The following TMEM17 variants were observed in gnomAD, a reference collection of about 807,000 sequenced individuals.
TMEM17 encodes the protein transmembrane protein 17.
A neutral mutation model predicts 19.1 loss-of-function variants in TMEM17; 15 were observed. The ratio of observed to expected loss-of-function variants is 0.78; its 90% CI spans 0.52 to 1.21. The LOEUF is 1.21. Ranked by LOEUF, TMEM17 falls within the 50% of genes most tolerant of loss-of-function variation. TMEM17 has a pLI of 0.00. For synonymous variants in TMEM17, 103 were observed against 86.9 expected (o/e 1.19, Z -1.03); for missense variants, 245 against 242.3 (o/e 1.01, Z -0.07).
intron 3 of TMEM17, 166 bp from the exon 4 acceptor site, chr2:62,501,653 G>A: frequency 1.5e-6 from 1 of 648,634 alleles, no homozygotes; most frequent in Non-Finnish European, 2.6e-6. Flanking sequence ...CAGTCTAGAT[G>A]AGAAAACTAA....
At chr2:62,496,444 C>A (rs938715855), downstream of TMEM17, among the ~76,000 whole-genome samples, 2 of 152,244 alleles carry the variant, frequency 1.3e-5, no homozygotes, top group Admixed American at 6.5e-5. Flanking sequence ...TAAATTATGG[C>A]CCATCTACTT....
the TMEM17 span, among the ~76,000 whole-genome samples, chr2:62,477,776 C>T: frequency 6.6e-5 from 10 of 152,220 alleles, no homozygotes; most frequent in Admixed American, 6.5e-4. Flanking sequence ...GACTGAGATA[C>T]AAACACAGGA....
chr2:62,504,648 AAGTTG>A (rs1680018425), intron 1 of TMEM17, among the ~76,000 whole-genome samples: 1 of 152,256 alleles, frequency 6.6e-6, no homozygotes. Context: ...GCAAAAGTTC[AAGTTG>A]AGTTCTGTAA....
At chr2:62,484,637 C>T in the TMEM17 span, among the ~76,000 whole-genome samples, 4 of 152,204 alleles carry the variant, frequency 2.6e-5, no homozygotes, top group East Asian at 5.8e-4. Flanking sequence ...CCTTGCTCTT[C>T]TAAGACCTGC....
the TMEM17 span, among the ~76,000 whole-genome samples, chr2:62,457,082 G>A: frequency 6.6e-6 from 1 of 152,214 alleles, no homozygotes; most frequent in Non-Finnish European, 1.5e-5. This position sits in a 1 kb window ranked among gnomAD's most constrained non-coding sequence, Gnocchi z 4.2. Context: ...CTCTCCCGAG[G>A]CGATAGCCAC....
the TMEM17 span, among the ~76,000 whole-genome samples, chr2:62,482,756 G>A: frequency 6.6e-6 from 1 of 152,154 alleles, no homozygotes; most frequent in Non-Finnish European, 1.5e-5. Flanking sequence ...CATCTGAAGG[G>A]TAGAAAAGAA....
At chr2:62,502,652 C>T (rs779923185) in intron 2 of TMEM17, 39 bp downstream of exon 2, 11 of 1,516,238 alleles carry the variant, frequency 7.3e-6, no homozygotes, top group Non-Finnish European at 9.9e-6. Flanking sequence ...GACACTCTAA[C>T]AACGTCAGGG....
chr2:62,490,338 A>G, the TMEM17 span, among the ~76,000 whole-genome samples: 126 of 152,142 alleles, frequency 8.3e-4, 1 homozygote, highest in Non-Finnish European at 1.6e-3. Flanking sequence ...ATCCTGGCTG[A>G]CCGCAGCCTC....
chr2:62,477,611 T>G, the TMEM17 span, among the ~76,000 whole-genome samples: 3 of 152,212 alleles, frequency 2.0e-5, no homozygotes, highest in African/African-American at 4.8e-5. Context: ...AGACATGGGC[T>G]GGCTCTTAAG....
chr2:62,457,744 A>G, the TMEM17 span, among the ~76,000 whole-genome samples: 1 of 152,116 alleles, frequency 6.6e-6, no homozygotes, highest in African/African-American at 2.4e-5. The surrounding 1 kb of genome is among the most constrained non-coding windows in gnomAD (Gnocchi z 4.2). Flanking sequence ...GAAGCCTGTA[A>G]TTAAGGCCTT....
chr2:62,487,626 A>T, the TMEM17 span, among the ~76,000 whole-genome samples: 12 of 152,246 alleles, frequency 7.9e-5, no homozygotes, highest in Non-Finnish European at 1.6e-4. Context: ...CCTTTAATGG[A>T]TAAAGAAGCT....
rs1342695582 is a variant in TMEM17 at position 62,505,840 on chromosome 2, G to T, written c.100+190C>A. Among the ~76,000 whole-genome samples, 3 of 152,356 alleles carry T rather than the reference G, an allele frequency of 2.0e-5. No individual in the cohort carries two copies. In the East Asian group the frequency reaches 5.8e-4, roughly 29 times the overall value. ...ACCACGCGGAGACCAGGCCCGGCCG[G>T]GGGCGGGAGGCCGCCAGCGCCTCAG... On this transcript the variant is annotated intron_variant, in intron 1 of 3. Transcript: ENST00000335390.
chr2:62,474,887 T>C, the TMEM17 span, among the ~76,000 whole-genome samples: 1 of 152,102 alleles, frequency 6.6e-6, no homozygotes, highest in East Asian at 1.9e-4. Context: ...TAAGCCAGCA[T>C]TTAACTTCAG....
At chr2:62,484,001 G>C in the TMEM17 span, among the ~76,000 whole-genome samples, 4 of 152,280 alleles carry the variant, frequency 2.6e-5, no homozygotes, top group Middle Eastern at 3.4e-3. Context: ...TCCTGCCTTA[G>C]CTCTTCAAAC....
chr2:62,506,027 C>T lies in TMEM17; in HGVS notation c.100+3G>A, dbSNP rs778796532. The stretch of plus-strand genomic sequence containing the variant: ...CCCCCTGCACCGGGCCTCGGTCACT[C>T]ACCCGGACCCTCATTGGACTCTGGA... On this transcript the variant is annotated splice_donor_region_variant and intron_variant, in intron 1 of 3. Coordinates refer to ENST00000335390, the MANE Select transcript of TMEM17 (RefSeq NM_198276.3). 6.2e-7 allele frequency: 1 copy of T among 1,608,000 alleles called. No individual in the cohort carries two copies. Among genetic ancestry groups the T allele is most frequent in the Non-Finnish European group, 8.5e-7 (1 of 1,177,360 alleles).
At chr2:62,480,263 A>T in the TMEM17 span, among the ~76,000 whole-genome samples, 14 of 152,186 alleles carry the variant, frequency 9.2e-5, 1 homozygote, top group African/African-American at 3.1e-4. Context: ...TAATGAAAAA[A>T]AATTTTTTTT....
At chr2:62,469,387 T>C in the TMEM17 span, among the ~76,000 whole-genome samples, 1 of 152,342 alleles carries the variant, frequency 6.6e-6, no homozygotes, top group East Asian at 1.9e-4. Flanking sequence ...TTACCTTCAT[T>C]TTCAAACTGC....
At chr2:62,484,843 A>G in the TMEM17 span, among the ~76,000 whole-genome samples, 1 of 152,210 alleles carries the variant, frequency 6.6e-6, no homozygotes, top group South Asian at 2.1e-4. Flanking sequence ...GGATGGTCAT[A>G]CTATAGAGTG....
the TMEM17 span, among the ~76,000 whole-genome samples, chr2:62,489,953 T>A: frequency 6.6e-6 from 1 of 152,152 alleles, no homozygotes; most frequent in Admixed American, 6.5e-5. Flanking sequence ...GGTGGGTGGA[T>A]CACTTGAGGT....
Sources: gnomAD v4.1 joint callset for allele counts (sites outside exome capture counted in the v4.1 genomes callset) on GRCh38, gnomAD v4.1.1 for gene constraint, Gnocchi (gnomAD v3.1) non-coding constraint, MANE v1.5 for transcripts, NCBI Gene and HGNC (gene_info 2026-07-23, HGNC 2026-07-21) for gene names.